CDH20: variants seen among roughly 807,000 people sequenced by gnomAD.
CDH20 encodes the protein cadherin 20, also known as cadherin-20.
A neutral mutation model predicts 74.2 loss-of-function variants in CDH20; 29 were observed. The observed-to-expected ratio is 0.39, with a 90% CI of 0.29 to 0.53. CDH20 has a LOEUF of 0.53. CDH20 is among the 20% of genes least tolerant of loss of function. CDH20 has a pLI of 0.69. For synonymous variants in CDH20, 469 were observed against 405.4 expected (o/e 1.16, Z -1.88); for missense variants, 988 against 1,048.3 (o/e 0.94, Z 0.79).
Position 61,508,525 on chromosome 18 carries a change from A to AT in CDH20, c.1017+966dup, listed in dbSNP as rs755234039. On this transcript the variant is annotated intron_variant, in intron 6 of 11. Coordinates refer to ENST00000262717, the MANE Select transcript of CDH20 (RefSeq NM_031891.4). ...TAAATGCCCATCAATCAAAGAGTGG[A>AT]TAAAAAAACTGTGGTAAATATATAT... 0.011 allele frequency among the ~76,000 whole-genome samples: 27 copies of AT among 2,530 alleles called. No homozygotes were observed. The East Asian group carries it at 0.48, about 45-fold the overall frequency. The allele number at this position is 2,530 out of a possible 152,430, so 1.7% of individuals were successfully genotyped here. A position where few individuals can be genotyped will look rare whatever the true frequency, so the allele number is the denominator to read the frequency against.
intron 1 of CDH20, among the ~76,000 whole-genome samples, chr18:61,392,282 C>T (rs1331984250): frequency 6.6e-6 from 1 of 151,786 alleles, no homozygotes; most frequent in African/African-American, 2.4e-5. Context: ...CCATTAATGC[C>T]TCTAGACCTT....
rs190231798 is a variant in CDH20 at position 61,435,669 on chromosome 18, T to A, written c.-152-54733T>A. Among the ~76,000 whole-genome samples the A allele has an allele frequency of 2.5e-3, 371 of 151,190 alleles. 3 individuals are homozygous for A. Among genetic ancestry groups the A allele is most frequent in the African/African-American group, 8.1e-3 (337 of 41,380 alleles). ...ATAGGACAAGTAAATTCAAAGTTTTTAAAAATATATATATAACAGCTTTAA... is the reference window on the plus strand; with the variant it reads ...ATAGGACAAGTAAATTCAAAGTTTTAAAAAATATATATATAACAGCTTTAA... On this transcript the variant is annotated intron_variant, in intron 1 of 11. Coordinates refer to ENST00000262717, the MANE Select transcript of CDH20 (RefSeq NM_031891.4).
At chr18:61,410,068 A>C (rs1892314267) in intron 1 of CDH20, among the ~76,000 whole-genome samples, 1 of 152,186 alleles carries the variant, frequency 6.6e-6, no homozygotes, top group African/African-American at 2.4e-5. Context: ...AATGTGTTGT[A>C]ATTTTGCCTT....
intron 1 of CDH20, among the ~76,000 whole-genome samples, chr18:61,470,669 G>C (rs76101023): frequency 0.011 from 1,713 of 152,138 alleles, 31 homozygotes; most frequent in African/African-American, 0.038. Context: ...AAAAACAAGA[G>C]GTGAACTTGG....
chr18:61,383,852 G>A (rs1318786814), intron 1 of CDH20, among the ~76,000 whole-genome samples: 1 of 152,122 alleles, frequency 6.6e-6, no homozygotes, highest in Non-Finnish European at 1.5e-5. Context: ...AGCCTCAGTG[G>A]AAGTTTCTAG....
At chr18:61,400,169 C>T (rs922909085) in intron 1 of CDH20, among the ~76,000 whole-genome samples, 2 of 152,304 alleles carry the variant, frequency 1.3e-5, no homozygotes, top group Admixed American at 1.3e-4. Flanking sequence ...GGGCTGCTTC[C>T]TGTTGCATGT....
At position 61,490,463 on chromosome 18, in the gene CDH20, A is replaced by C; in HGVS notation, c.-91A>C. 7.5e-7 allele frequency: 1 copy of C among 1,332,814 alleles called. No homozygotes were observed. Among genetic ancestry groups the C allele is most frequent in the Non-Finnish European group, 1.1e-6 (1 of 948,576 alleles). 82.6% of individuals were successfully genotyped at this position (1,332,814 alleles called of 1,614,324 possible). On this transcript the variant is annotated 5_prime_UTR_variant, in exon 2 of 12. Transcript: ENST00000262717. ...CTCATTTAGGAAGCATAAGTGTCCAATCAAAAACTGTGTATTTTTTTAAAT... is the reference window on the plus strand; with the variant it reads ...CTCATTTAGGAAGCATAAGTGTCCACTCAAAAACTGTGTATTTTTTTAAAT...
Position 61,520,728 on chromosome 18 carries a change from A to G in CDH20, c.1018-7239A>G, listed in dbSNP as rs536963593. Among the ~76,000 whole-genome samples the G allele has an allele frequency of 2.6e-5, 4 of 151,468 alleles. No homozygotes were observed. In the East Asian group the frequency reaches 7.7e-4, roughly 29 times the overall value. On this transcript the variant is annotated intron_variant, in intron 6 of 11. Transcript: ENST00000262717. ...CAAATGCAAAATAATGGAAATCATAACAAACAGTATCTCAGACCACAATGC... is the reference window on the plus strand; with the variant it reads ...CAAATGCAAAATAATGGAAATCATAGCAAACAGTATCTCAGACCACAATGC...
chr18:61,499,267 G>A lies in CDH20; in HGVS notation c.328G>A (p.Asp110Asn), dbSNP rs1166288202. The change falls in exon 3 of 12, where the codon GAC becomes AAC. Residue 110 changes from aspartate (D) to asparagine (N), a missense_variant. Physicochemically the swap from Asp to Asn is conservative, Grantham distance 23 (BLOSUM62 1). Around this residue, in one of 2 missense-constraint regions of CDH20, gnomAD observed 613 missense variants for 755.2 expected, o/e 0.81. Coordinates refer to ENST00000262717, the MANE Select transcript of CDH20 (RefSeq NM_031891.4). ...AGGTGCTGGCATCGTGTTTACCATC[G>A]ACGACACCACTGGAGACATCCACGC... ...GEGAGIVFTI[D>N]DTTGDIHAIQ... 1.2e-6 allele frequency: 2 copies of A among 1,613,634 alleles called. No individual in the cohort carries two copies. The highest frequency in any genetic ancestry group is 1.7e-6 in the Non-Finnish European group (2 of 1,179,692).
chr18:61,385,798 C>T (rs1234734540), intron 1 of CDH20, among the ~76,000 whole-genome samples: 1 of 151,748 alleles, frequency 6.6e-6, no homozygotes, highest in Non-Finnish European at 1.5e-5. Context: ...GGTGTGGTGG[C>T]ACGTGCTTGT....
At chr18:61,467,178 G>A (rs112894924) in intron 1 of CDH20, among the ~76,000 whole-genome samples, 1,716 of 152,196 alleles carry the variant, frequency 0.011, 31 homozygotes, top group African/African-American at 0.038. Flanking sequence ...CTGCCACTGG[G>A]GAGACATATT....
intron 1 of CDH20, among the ~76,000 whole-genome samples, chr18:61,373,002 C>T (rs1386852868): frequency 6.6e-6 from 1 of 152,076 alleles, no homozygotes; most frequent in African/African-American, 2.4e-5. Flanking sequence ...GCTGAATGGA[C>T]AAGTACAAGA....
intron 1 of CDH20, among the ~76,000 whole-genome samples, chr18:61,458,490 A>G (rs1005944887): frequency 2.6e-5 from 4 of 152,106 alleles, no homozygotes; most frequent in African/African-American, 9.7e-5. Context: ...TCCAGAGCCA[A>G]GCAGCTGGGT....
intron 1 of CDH20, among the ~76,000 whole-genome samples, chr18:61,370,134 C>T (rs1042255244): frequency 1.3e-5 from 2 of 152,078 alleles, no homozygotes; most frequent in South Asian, 4.1e-4. Context: ...CTAAAAATTG[C>T]TGCTCTCACG....
chr18:61,358,548 C>T lies in CDH20; in HGVS notation c.-153+24721C>T, dbSNP rs1000121578. On this transcript the variant is annotated intron_variant, in intron 1 of 11. Coordinates refer to ENST00000262717, the MANE Select transcript of CDH20 (RefSeq NM_031891.4). ...TGGGCTCCCTGTATTTTGTCTGCTA[C>T]ATACAGTGCCTGGAAGAGAGCCAAG... Among the ~76,000 whole-genome samples the T allele has an allele frequency of 2.0e-5, 3 of 152,256 alleles. No homozygotes were observed. In the East Asian group the frequency reaches 5.8e-4, roughly 29 times the overall value.
At chr18:61,350,329 T>G (rs1910262971) in intron 1 of CDH20, among the ~76,000 whole-genome samples, 1 of 152,210 alleles carries the variant, frequency 6.6e-6, no homozygotes, top group African/African-American at 2.4e-5. Context: ...GCCTTCATTC[T>G]CTTCCTTTTT....
intron 1 of CDH20, among the ~76,000 whole-genome samples, chr18:61,437,978 AAAAG>A (rs1908892198): frequency 6.6e-6 from 1 of 152,178 alleles, no homozygotes; most frequent in African/African-American, 2.4e-5. Flanking sequence ...GCTCCAACCA[AAAAG>A]AGAGGATTTG....
chr18:61,507,827 C>G (rs1329246742), intron 6 of CDH20, among the ~76,000 whole-genome samples: 2 of 151,980 alleles, frequency 1.3e-5, no homozygotes, highest in Non-Finnish European at 2.9e-5. Context: ...TTCCTTCTAC[C>G]CAGCCACTTA....
intron 1 of CDH20, among the ~76,000 whole-genome samples, chr18:61,335,398 G>C (rs1244125805): frequency 6.6e-6 from 1 of 152,206 alleles, no homozygotes; most frequent in African/African-American, 2.4e-5. Context: ...AGCTGGGCGA[G>C]GGTGTGGGAG....
Sources: gnomAD v4.1 joint callset for allele counts (sites outside exome capture counted in the v4.1 genomes callset) on GRCh38, gnomAD v4.1.1 for gene constraint, gnomAD v4.1.1 regional missense constraint, MANE v1.5 for transcripts, NCBI Gene and HGNC (gene_info 2026-07-23, HGNC 2026-07-21) for gene names.